Variants in GFRA1 observed in about 807,000 individuals in gnomAD.
The protein encoded by GFRA1 is GDNF family receptor alpha 1.
GFRA1 carries 16 observed loss-of-function variants against 51.6 expected under a neutral mutation model. The ratio of observed to expected loss-of-function variants is 0.31; its 90% CI spans 0.21 to 0.47. The LOEUF is 0.47. GFRA1 is among the 20% of genes least tolerant of loss of function. The pLI is 1.00. For synonymous variants in GFRA1, 270 were observed against 241.3 expected (o/e 1.12, Z -1.10); for missense variants, 530 against 594.3 (o/e 0.89, Z 1.13).
chr10:116,264,384 G>A (rs531172850), intron 4 of GFRA1, among the ~76,000 whole-genome samples: 8 of 134,736 alleles, frequency 5.9e-5, no homozygotes, highest in South Asian at 5.4e-4. Context: ...TCAACCACTC[G>A]TGATTGACAG....
chr10:116,252,635 G>A (rs528677813), intron 4 of GFRA1, among the ~76,000 whole-genome samples: 2 of 152,108 alleles, frequency 1.3e-5, no homozygotes, highest in Non-Finnish European at 2.9e-5. Context: ...CACCACTTCC[G>A]CCCTGGAAAG....
intron 5 of GFRA1, among the ~76,000 whole-genome samples, chr10:116,203,564 T>G (rs897202794): frequency 9.2e-5 from 14 of 152,192 alleles, no homozygotes; most frequent in African/African-American, 3.4e-4. Flanking sequence ...GAGAGGCAGC[T>G]GGGGGAAGGT....
At chr10:116,270,749 C>T (rs1403633102) in intron 3 of GFRA1, 73 bp downstream of exon 3, 2 of 1,263,412 alleles carry the variant, frequency 1.6e-6, no homozygotes, top group Non-Finnish European at 2.3e-6. Flanking sequence ...ATGAGATCAG[C>T]TGGCCCAGGG....
At chr10:116,154,565 TAGA>T (rs1223442289) in intron 5 of GFRA1, among the ~76,000 whole-genome samples, 2 of 152,176 alleles carry the variant, frequency 1.3e-5, no homozygotes, top group African/African-American at 4.8e-5. Flanking sequence ...GGAAAGTGAC[TAGA>T]AGGAGTTAGG....
chr10:116,167,999 C>T (rs557033220), intron 5 of GFRA1, among the ~76,000 whole-genome samples: 1 of 152,212 alleles, frequency 6.6e-6, no homozygotes, highest in South Asian at 2.1e-4. Context: ...GTACGGTGTA[C>T]ACTGCTTCCG....
intron 9 of GFRA1, among the ~76,000 whole-genome samples, chr10:116,086,597 G>T (rs1244217409): frequency 6.6e-6 from 1 of 152,122 alleles, no homozygotes; most frequent in Admixed American, 6.5e-5. Flanking sequence ...GCTCATGCAG[G>T]TCGTCATCTT....
intron 5 of GFRA1, among the ~76,000 whole-genome samples, chr10:116,188,955 T>TA (rs1334858873): frequency 6.7e-6 from 1 of 149,818 alleles, no homozygotes; most frequent in Non-Finnish European, 1.5e-5. Context: ...TATCACAATT[T>TA]AAAAAAAATA....
intron 9 of GFRA1, among the ~76,000 whole-genome samples, chr10:116,085,494 C>T (rs948126934): frequency 1.3e-5 from 2 of 151,680 alleles, no homozygotes; most frequent in Non-Finnish European, 3.0e-5. Flanking sequence ...GGGACAAACG[C>T]CATTCTAAGA....
chr10:116,156,183 T>C (rs186063076), intron 5 of GFRA1, among the ~76,000 whole-genome samples: 1 of 152,274 alleles, frequency 6.6e-6, no homozygotes, highest in Admixed American at 6.5e-5. Flanking sequence ...TTCTAGATGG[T>C]AGATTGGGAA....
chr10:116,250,115 G>T (rs1968205024), intron 4 of GFRA1, among the ~76,000 whole-genome samples: 1 of 152,180 alleles, frequency 6.6e-6, no homozygotes, highest in South Asian at 2.1e-4. Flanking sequence ...GAGGAGAAAG[G>T]CAGAGTGTCT....
At chr10:116,148,068 G>A (rs1019773305) in intron 5 of GFRA1, among the ~76,000 whole-genome samples, 3 of 141,762 alleles carry the variant, frequency 2.1e-5, no homozygotes, top group Admixed American at 6.9e-5. Flanking sequence ...GTGTGCATGC[G>A]TGTGTGCATG....
intron 6 of GFRA1, among the ~76,000 whole-genome samples, chr10:116,103,267 G>A (rs186395510): frequency 3.4e-4 from 52 of 152,222 alleles, no homozygotes; most frequent in African/African-American, 1.2e-3. Flanking sequence ...GAATACACCA[G>A]TTGCCCCCAA....
intron 4 of GFRA1, among the ~76,000 whole-genome samples, chr10:116,222,845 GA>G (rs1463875385): frequency 4.0e-5 from 6 of 151,890 alleles, no homozygotes; most frequent in African/African-American, 1.5e-4. Flanking sequence ...ACCACGGATT[GA>G]AAATATTTGA....
At chr10:116,201,207 G>T (rs74697077) in intron 5 of GFRA1, among the ~76,000 whole-genome samples, 2,226 of 152,188 alleles carry the variant, frequency 0.015, 22 homozygotes, top group Middle Eastern at 0.061. Flanking sequence ...GATTGGGAGT[G>T]CTGAGTCACT....
intron 6 of GFRA1, among the ~76,000 whole-genome samples, chr10:116,118,831 G>A (rs3781519): frequency 0.011 from 1,738 of 152,294 alleles, 86 homozygotes; most frequent in Admixed American, 0.091. Flanking sequence ...GAAGAAAGAC[G>A]TGCTGAGGAA....
chr10:116,196,532 T>C (rs1326945755), intron 5 of GFRA1, among the ~76,000 whole-genome samples: 7 of 133,834 alleles, frequency 5.2e-5, no homozygotes, highest in African/African-American at 1.7e-4. Flanking sequence ...TTTATATATT[T>C]ATAAATTTAT....
chr10:116,203,865 G>T (rs763571530), intron 5 of GFRA1, among the ~76,000 whole-genome samples: 1 of 152,226 alleles, frequency 6.6e-6, no homozygotes, highest in Non-Finnish European at 1.5e-5. Flanking sequence ...GCTTGCCTAC[G>T]CTATGGGAAA....
chr10:116,270,999 C>A lies in GFRA1; in HGVS notation c.157G>T (p.Val53Leu), dbSNP rs773100388. The change falls in exon 3 of 11, where the codon GTG becomes TTG. Residue 53 changes from valine (V) to leucine (L), a missense_variant. Transcript: ENST00000355422. Reference sequence around the variant, plus strand: ...CTGAAGTTGGTCTCCTTGCCCGCCACGCACTGCCTTAGCGTGCGGTACTTG... The same window carrying A: ...CTGAAGTTGGTCTCCTTGCCCGCCAAGCACTGCCTTAGCGTGCGGTACTTG... ...STKYRTLRQC[V>L]AGKETNFSLA... 1.9e-6 allele frequency: 3 copies of A among 1,614,250 alleles called. No homozygotes were observed. Among genetic ancestry groups the A allele is most frequent in the Non-Finnish European group, 2.5e-6 (3 of 1,180,050 alleles).
chr10:116,232,317 A>C (rs1481470955), intron 4 of GFRA1, among the ~76,000 whole-genome samples: 1 of 152,214 alleles, frequency 6.6e-6, no homozygotes, highest in African/African-American at 2.4e-5. Flanking sequence ...CTTGTCTCAG[A>C]AATAGCAGTT....
Sources: gnomAD v4.1 joint callset for allele counts (sites outside exome capture counted in the v4.1 genomes callset) on GRCh38, gnomAD v4.1.1 for gene constraint, MANE v1.5 for transcripts, NCBI Gene and HGNC (gene_info 2026-07-23, HGNC 2026-07-21) for gene names.